Variants in VPS4B observed in about 807,000 individuals in gnomAD.
The protein encoded by VPS4B is vacuolar protein sorting 4 homolog B, also known as vacuolar protein sorting-associated protein 4B.
A neutral mutation model predicts 56.1 loss-of-function variants in VPS4B; 23 were observed. The observed-to-expected ratio is 0.41, with a 90% CI of 0.30 to 0.58. The LOEUF (loss-of-function observed/expected upper bound fraction) is 0.58, where lower values mean the gene tolerates loss of function less well. Among genes scored for constraint, VPS4B ranks in the 20% least tolerant of loss-of-function variants. The probability of loss-of-function intolerance (pLI) is 0.29; values close to 1 mark genes in which losing one functional copy is unlikely to be tolerated. For synonymous variants in VPS4B, 177 were observed against 186.0 expected (o/e 0.95, Z 0.39); for missense variants, 372 against 531.9 (o/e 0.70, Z 2.96).
rs1916199211 is a variant in VPS4B, at chr18:63,417,652, C to A, written c.27+4581G>T. On this transcript the variant is annotated intron_variant, in intron 1 of 10. Coordinates refer to ENST00000238497, the MANE Select transcript of VPS4B (RefSeq NM_004869.4). ...TTGTGTGTGCATGTGTGTGTCTGAG[C>A]ATGCATATGTTTTTTTTGTTTTTTT... Among the ~76,000 whole-genome samples, 10 of 152,132 alleles carry A rather than the reference C, an allele frequency of 6.6e-5. No individual in the cohort carries two copies. The South Asian group carries it at 2.1e-3, about 32-fold the overall frequency.
In VPS4B at chr18:63,403,793, C is replaced by T. The variant is rs777493409; in HGVS notation, c.398G>A (p.Trp133Ter). 6.2e-7 allele frequency: 1 copy of T among 1,613,030 alleles called. No individual in the cohort carries two copies. Among genetic ancestry groups the T allele is most frequent in the Non-Finnish European group, 8.5e-7 (1 of 1,179,416 alleles). ...AIVIERPNVK[W>*]SDVAGLEGAK... ...TCCTTCAAGTCCAGCAACGTCACTC[C>T]ATTTCACATTTGGTCGTTCTATAAC... Residue 133 changes from tryptophan (W) to a stop codon, truncating the protein, a stop_gained, in exon 5 of 11, where the codon TGG becomes TAG. Coordinates refer to ENST00000238497, the MANE Select transcript of VPS4B (RefSeq NM_004869.4). LOFTEE classifies it high-confidence loss of function.
chr18:63,422,218 G>A lies in VPS4B; in HGVS notation c.27+15C>T, dbSNP rs766446773. ...ATCCCAGCTCCCTAGGGGGACGGGAGATGAGCAATGATACCTGGAGGTTGG... is the reference window on the plus strand; with the variant it reads ...ATCCCAGCTCCCTAGGGGGACGGGAAATGAGCAATGATACCTGGAGGTTGG... On this transcript the variant is annotated intron_variant, in intron 1 of 10. Coordinates refer to ENST00000238497, the MANE Select transcript of VPS4B (RefSeq NM_004869.4). 2.0e-6 allele frequency: 3 copies of A among 1,508,900 alleles called. No homozygotes were observed. The highest frequency in any genetic ancestry group is 2.7e-5 in the East Asian group (1 of 36,960). The allele number at this position is 1,508,900 out of a possible 1,614,324, so 93.5% of individuals were successfully genotyped here.
intron 10 of VPS4B, 152 bp from the exon 11 acceptor site, chr18:63,391,228 T>G (rs1457553448): frequency 2.0e-6 from 1 of 508,930 alleles, no homozygotes; most frequent in Non-Finnish European, 3.3e-6. Flanking sequence ...AAACTCCCTA[T>G]TCTTTTTTTT....
In VPS4B at chr18:63,403,821, T is replaced by C. The variant is rs1915862063; in HGVS notation, c.370A>G (p.Ile124Val). 1.2e-6 allele frequency: 2 copies of C among 1,600,316 alleles called. No homozygotes were observed. The highest frequency in any genetic ancestry group is 1.7e-6 in the Non-Finnish European group (2 of 1,175,132). Residue 124 changes from isoleucine to valine, a missense_variant, in exon 5 of 11, where the codon ATT (isoleucine) becomes GTT (valine). Ile to Val is a conservative substitution (Grantham distance 29). Around this residue, in one of 3 missense-constraint regions of VPS4B, gnomAD observed 153 missense variants for 190.3 expected, o/e 0.80. Transcript: ENST00000238497. Reference sequence around the variant, plus strand: ...TTCACATTTGGTCGTTCTATAACAATGGCACCTGCAAAAAATTACGTTATC... The same window carrying C: ...TTCACATTTGGTCGTTCTATAACAACGGCACCTGCAAAAAATTACGTTATC... ...KKLQNQLQGA[I>V]VIERPNVKWS...
intron 7 of VPS4B, 54 bp from the exon 8 acceptor site, chr18:63,399,377 A>C (rs897580623): frequency 1.4e-6 from 2 of 1,477,078 alleles, no homozygotes; most frequent in Non-Finnish European, 1.9e-6. Context: ...TGTTCTTTAA[A>C]CTTCTTCCAT....
chr18:63,417,996 T>C (rs1916206082), intron 1 of VPS4B, among the ~76,000 whole-genome samples: 1 of 152,176 alleles, frequency 6.6e-6, no homozygotes, highest in Admixed American at 6.5e-5. Context: ...ACCAATTCTT[T>C]CTCCTCTGCT....
At position 63,391,050 on chromosome 18, in the gene VPS4B, G is replaced by T. The variant is rs748129460; in HGVS notation, c.1260C>A (p.Asn420Lys). 6.2e-7 allele frequency: 1 copy of T among 1,613,388 alleles called. No homozygotes were observed. The highest frequency in any genetic ancestry group is 8.5e-7 in the Non-Finnish European group (1 of 1,179,564). ...SMSDMLRSLS[N>K]TKPTVNEHDL... ...CATGTTCATTGACTGTAGGTTTTGT[G>T]TTAGATAGTGACCGCAACATATCCG... Residue 420 changes from asparagine to lysine, a missense_variant, in exon 11 of 11, where the codon AAC (asparagine) becomes AAA (lysine). Transcript: ENST00000238497.
intron 6 of VPS4B, 134 bp downstream of exon 6, chr18:63,400,413 G>T: frequency 8.8e-7 from 1 of 1,139,386 alleles, no homozygotes; most frequent in Non-Finnish European, 1.2e-6. Flanking sequence ...ATTAGAGACT[G>T]ATTTGACAGA....
intron 1 of VPS4B, among the ~76,000 whole-genome samples, chr18:63,414,614 T>C (rs748387470): frequency 1.3e-5 from 2 of 151,940 alleles, no homozygotes; most frequent in Non-Finnish European, 2.9e-5. Context: ...TTTGTATTTT[T>C]AGTAGAGATG....
At chr18:63,408,580 G>A (rs925006878) in intron 3 of VPS4B, among the ~76,000 whole-genome samples, 3 of 152,158 alleles carry the variant, frequency 2.0e-5, no homozygotes, top group African/African-American at 7.2e-5. Flanking sequence ...ATCTTCAGGC[G>A]AAGGCACTGG....
chr18:63,393,579 T>C, intron 9 of VPS4B, 30 bp from the exon 10 acceptor site: 3 of 1,528,262 alleles, frequency 2.0e-6, no homozygotes, highest in Non-Finnish European at 2.6e-6. Context: ...GAAATATGTA[T>C]TTGAAACAAA....
chr18:63,398,523 CAT>C (rs1419941140), intron 8 of VPS4B, among the ~76,000 whole-genome samples: 1 of 150,420 alleles, frequency 6.6e-6, no homozygotes, highest in African/African-American at 2.5e-5. Flanking sequence ...CCCGGCCTGA[CAT>C]ATAGTTTTTA....
At chr18:63,407,064 G>A (rs1254498446) in intron 4 of VPS4B, among the ~76,000 whole-genome samples, 1 of 152,222 alleles carries the variant, frequency 6.6e-6, no homozygotes, top group African/African-American at 2.4e-5. Flanking sequence ...AAAGCCACGT[G>A]TAAGTCCTAA....
chr18:63,392,109 T>C (rs1424390915), intron 10 of VPS4B, among the ~76,000 whole-genome samples: 1 of 152,196 alleles, frequency 6.6e-6, no homozygotes, highest in Non-Finnish European at 1.5e-5. Flanking sequence ...TTTACATGTA[T>C]ATCTATGTAC....
chr18:63,411,665 T>TC (rs1269489890), intron 1 of VPS4B, 87 bp from the exon 2 acceptor site: 6 of 965,984 alleles, frequency 6.2e-6, no homozygotes, highest in Non-Finnish European at 8.4e-6. Flanking sequence ...GTTTTTTTTT[T>TC]TTTTAAAGCT....
At chr18:63,391,184 G>T in intron 10 of VPS4B, 108 bp from the exon 11 acceptor site, 3 of 687,756 alleles carry the variant, frequency 4.4e-6, no homozygotes, top group Non-Finnish European at 7.4e-6. Flanking sequence ...GTTTAAATAT[G>T]AATATTTGCA....
chr18:63,407,621 A>G (rs1212524723), intron 3 of VPS4B, 122 bp from the exon 4 acceptor site: 2 of 706,774 alleles, frequency 2.8e-6, no homozygotes, highest in South Asian at 1.9e-5. Context: ...ATTTACATTA[A>G]AAGTTATGCT....
chr18:63,406,097 G>A (rs1915911766), intron 4 of VPS4B, among the ~76,000 whole-genome samples: 1 of 152,210 alleles, frequency 6.6e-6, no homozygotes, highest in Non-Finnish European at 1.5e-5. Context: ...ATCCAATAGA[G>A]CAGACAAAAA....
intron 1 of VPS4B, 60 bp downstream of exon 1, chr18:63,422,173 G>T: frequency 7.2e-7 from 1 of 1,394,654 alleles, no homozygotes; most frequent in South Asian, 1.6e-5. Context: ...CCCCCCACCC[G>T]CTTCTCGCGC....
Sources: gnomAD v4.1 joint callset for allele counts (sites outside exome capture counted in the v4.1 genomes callset) on GRCh38, gnomAD v4.1.1 for gene constraint, gnomAD v4.1.1 regional missense constraint, MANE v1.5 for transcripts, NCBI Gene and HGNC (gene_info 2026-07-23, HGNC 2026-07-21) for gene names.